LPCAT1: variants seen among roughly 807,000 people sequenced by gnomAD.
LPCAT1 encodes the protein lysophosphatidylcholine acyltransferase 1, also known as 1-acylglycerol-3-phosphate O-acyltransferase.
A neutral mutation model predicts 60.9 loss-of-function variants in LPCAT1; 23 were observed. The ratio of observed to expected loss-of-function variants is 0.38; its 90% confidence interval spans 0.27 to 0.53. LPCAT1 has a LOEUF of 0.53. Among genes scored for constraint, LPCAT1 ranks in the 20% least tolerant of loss-of-function variants. LPCAT1 has a pLI of 0.82. For synonymous variants in LPCAT1, 340 were observed against 301.1 expected, an observed-to-expected ratio of 1.13 and a Z score of -1.34; for missense variants, 622 against 723.6, an observed-to-expected ratio of 0.86 and a Z score of 1.61.
At chr5:1,515,656 G>T (rs926200142) in intron 1 of LPCAT1, among the ~76,000 whole-genome samples, 18 of 148,250 alleles carry the variant, frequency 1.2e-4, no homozygotes, top group African/African-American at 3.5e-4. Flanking sequence ...ACAACATCCT[G>T]GCCTAAGTCC....
chr5:1,467,511 C>G (rs1734470194), intron 12 of LPCAT1, among the ~76,000 whole-genome samples: 1 of 152,026 alleles, frequency 6.6e-6, no homozygotes, highest in South Asian at 2.1e-4. Context: ...GGCTCCGGCC[C>G]TCTCTGTGCA....
At chr5:1,519,793 T>A (rs1409987805) in intron 1 of LPCAT1, among the ~76,000 whole-genome samples, 1 of 152,242 alleles carries the variant, frequency 6.6e-6, no homozygotes, top group Non-Finnish European at 1.5e-5. Context: ...CTGGGGGCCA[T>A]GGGCCTGGCA....
chr5:1,505,929 G>A (rs1330952607), intron 1 of LPCAT1, among the ~76,000 whole-genome samples: 1 of 152,232 alleles, frequency 6.6e-6, no homozygotes, highest in Admixed American at 6.5e-5. Flanking sequence ...TGCTCCTGTT[G>A]GTGTCCCAGA....
intron 11 of LPCAT1, among the ~76,000 whole-genome samples, chr5:1,473,564 C>G (rs1734776009): frequency 6.6e-6 from 1 of 152,204 alleles, no homozygotes; most frequent in African/African-American, 2.4e-5. Flanking sequence ...TGGCGGGGAG[C>G]CTCTAAGCCG....
At chr5:1,505,761 C>CAT (rs1736166395) in intron 1 of LPCAT1, among the ~76,000 whole-genome samples, 1 of 152,218 alleles carries the variant, frequency 6.6e-6, no homozygotes. Flanking sequence ...GGTTAGACTG[C>CAT]ATGACCACCT....
intron 5 of LPCAT1, among the ~76,000 whole-genome samples, chr5:1,484,695 T>A (rs1431839719): frequency 6.6e-6 from 1 of 152,210 alleles, no homozygotes; most frequent in Non-Finnish European, 1.5e-5. Context: ...GAGGCCCGTG[T>A]CAGGGCTGAA....
intron 11 of LPCAT1, among the ~76,000 whole-genome samples, chr5:1,473,227 C>T (rs562631822): frequency 5.1e-4 from 78 of 152,336 alleles, no homozygotes; most frequent in Non-Finnish European, 8.8e-4. Flanking sequence ...CATGCTGTCA[C>T]GGGACAGTCA....
intron 12 of LPCAT1, among the ~76,000 whole-genome samples, chr5:1,469,255 G>A (rs1173204099): frequency 6.6e-6 from 1 of 152,114 alleles, no homozygotes; most frequent in Non-Finnish European, 1.5e-5. Flanking sequence ...ACCTCCTAGT[G>A]GCACATACCC....
chr5:1,479,938 C>T, intron 7 of LPCAT1, among the ~76,000 whole-genome samples: 1 of 151,868 alleles, frequency 6.6e-6, no homozygotes, highest in South Asian at 2.1e-4. Flanking sequence ...TGCTTGTTCT[C>T]CAGCTCAGGA....
chr5:1,470,979 C>G, intron 11 of LPCAT1, 55 bp from the exon 12 acceptor site: 4 of 1,497,316 alleles, frequency 2.7e-6, no homozygotes, highest in Non-Finnish European at 3.7e-6. Flanking sequence ...ACTGGAGAAA[C>G]GCCAGGGTTT....
At chr5:1,488,479 G>A (rs1260365253) in intron 4 of LPCAT1, 28 bp from the exon 5 acceptor site, 2 of 1,441,398 alleles carry the variant, frequency 1.4e-6, no homozygotes, top group East Asian at 2.3e-5. Context: ...AAAAGGATCA[G>A]CATTAAACTG....
Position 1,462,862 on chromosome 5 carries a change from G to C in LPCAT1, c.*789C>G, listed in dbSNP as rs1579742245. 2 of 152,316 alleles carry C rather than the reference G, an allele frequency of 1.3e-5. No homozygotes were observed. Among genetic ancestry groups the C allele is most frequent in the South Asian group, 2.1e-4 (1 of 4,828 alleles). 9.4% of individuals were successfully genotyped at this position (152,316 alleles called of 1,614,324 possible). ...ATAAAAAAAGAGGGGACTGGAAAAG[G>C]ATTAAGAAAAGCAGAAAAAGTGTTT... On this transcript the variant is annotated 3_prime_UTR_variant, in exon 14 of 14. Coordinates refer to ENST00000283415, the MANE Select transcript of LPCAT1 (RefSeq NM_024830.5).
intron 3 of LPCAT1, among the ~76,000 whole-genome samples, chr5:1,490,166 GAA>G (rs770067224): frequency 2.6e-5 from 4 of 152,254 alleles, no homozygotes; most frequent in Non-Finnish European, 4.4e-5. Context: ...CCAGGAAGCA[GAA>G]AGTCTTTAGA....
chr5:1,469,497 C>T (rs991014489), intron 12 of LPCAT1, among the ~76,000 whole-genome samples: 2 of 152,152 alleles, frequency 1.3e-5, no homozygotes, highest in African/African-American at 4.8e-5. Flanking sequence ...GCCAGCAGAA[C>T]GGGGGGCGGT....
At chr5:1,497,963 G>A (rs997839565) in intron 2 of LPCAT1, among the ~76,000 whole-genome samples, 1 of 152,226 alleles carries the variant, frequency 6.6e-6, no homozygotes, top group African/African-American at 2.4e-5. Context: ...GCAAAACGAT[G>A]CTACGGTTTT....
chr5:1,478,687 G>A (rs1735019181), intron 8 of LPCAT1, among the ~76,000 whole-genome samples: 1 of 152,294 alleles, frequency 6.6e-6, no homozygotes, highest in Non-Finnish European at 1.5e-5. Context: ...CAGCCGGGCT[G>A]AAAGCCGGGC....
At chr5:1,498,758 A>C (rs533537010) in intron 2 of LPCAT1, among the ~76,000 whole-genome samples, 2 of 152,164 alleles carry the variant, frequency 1.3e-5, no homozygotes, top group Non-Finnish European at 2.9e-5. Flanking sequence ...ACATGTACAC[A>C]CATGCAACAC....
chr5:1,470,991 C>T, intron 11 of LPCAT1, 67 bp from the exon 12 acceptor site: 1 of 1,362,886 alleles, frequency 7.3e-7, no homozygotes, highest in Non-Finnish European at 1.0e-6. Context: ...CCAGGGTTTC[C>T]CATGGGTGCT....
chr5:1,502,318 C>T lies in LPCAT1; in HGVS notation c.136-715G>A, dbSNP rs1177759308. On this transcript the variant is annotated intron_variant, in intron 1 of 13. Coordinates refer to ENST00000283415, the MANE Select transcript of LPCAT1 (RefSeq NM_024830.5). This position sits in a 1 kb window ranked among gnomAD's most constrained non-coding sequence, Gnocchi z 5.5. ...CTCACTCAGCAGTTTCCCCTGAAAT[C>T]GTTTATGTGGACATGAGAAAGCATA... 6.6e-6 allele frequency among the ~76,000 whole-genome samples: 1 copy of T among 152,144 alleles called. No individual in the cohort carries two copies. The highest frequency in any genetic ancestry group is 2.4e-5 in the African/African-American group (1 of 41,428).
Sources: allele counts gnomAD v4.1 joint callset (sites outside exome capture counted in the v4.1 genomes callset), GRCh38; gene constraint gnomAD v4.1.1; non-coding constraint Gnocchi (gnomAD v3.1); transcripts MANE v1.5; gene names NCBI Gene and HGNC (gene_info 2026-07-23, HGNC 2026-07-21).